Variants in TPCN2 observed in about 807,000 individuals in gnomAD.
TPCN2 encodes two pore segment channel 2.
In TPCN2, 92 loss-of-function variants were observed where a neutral mutation model predicts 111.4. The observed-to-expected ratio is 0.83, with a 90% confidence interval of 0.70 to 0.98. The LOEUF is 0.98. Among genes scored for constraint, TPCN2 ranks in the 50% least tolerant of loss-of-function variants. TPCN2 has a pLI of 0.00. For missense variants in TPCN2, 995 were observed against 980.1 expected (o/e 1.02, Z -0.20); for synonymous variants, 405 against 414.5 (o/e 0.98, Z 0.28).
rs746119964 is a variant in TPCN2, at chr11:69,054,063, A to G, written c.140A>G (p.Asp47Gly). The G allele has an allele frequency of 2.0e-5, 33 of 1,613,720 alleles. No individual in the cohort carries two copies. The South Asian group carries it at 3.0e-4, about 14-fold the overall frequency. Residue 47 changes from aspartate (D) to glycine (G), a missense_variant, in exon 2 of 25, where the codon GAT (aspartate) becomes GGT (glycine). By Grantham distance (94) the Asp-to-Gly change is moderately conservative (BLOSUM62 -1). Transcript: ENST00000294309. Reference protein sequence around the residue: ...GAAARWDLCIDQAVVFIEDAI... With the variant: ...GAAARWDLCIGQAVVFIEDAI... ...GCGGCCAGGTGGGACCTCTGCATTG[A>G]TCAGGCTGTGGTCTTCATCGAAGAT...
intron 13 of TPCN2, among the ~76,000 whole-genome samples, chr11:69,073,584 G>C (rs148938941): frequency 6.6e-6 from 1 of 152,244 alleles, no homozygotes; most frequent in Non-Finnish European, 1.5e-5. Flanking sequence ...CACTTTTCTC[G>C]TTTGCTCAGG....
At chr11:69,066,195 G>T (rs1300980701) in intron 7 of TPCN2, among the ~76,000 whole-genome samples, 1 of 152,190 alleles carries the variant, frequency 6.6e-6, no homozygotes, top group Non-Finnish European at 1.5e-5. Context: ...ACTGGGTGAG[G>T]GTGGGACGGG....
At chr11:69,064,288 C>G (rs1250420321) in intron 7 of TPCN2, among the ~76,000 whole-genome samples, 3 of 144,348 alleles carry the variant, frequency 2.1e-5, no homozygotes, top group Non-Finnish European at 4.6e-5. Flanking sequence ...TCCCTCCCCC[C>G]TCCCTATCCC....
chr11:69,085,751 C>T lies in TPCN2; in HGVS notation c.1919C>T (p.Ala640Val), dbSNP rs923083887. 1.5e-5 allele frequency: 24 copies of T among 1,613,890 alleles called. No individual in the cohort carries two copies. Among genetic ancestry groups the T allele is most frequent in the Non-Finnish European group, 1.9e-5 (22 of 1,179,882 alleles). Residue 640 changes from alanine to valine, a missense_variant and splice_region_variant, in exon 21 of 25, where the codon GCG (alanine) becomes GTG (valine). Physicochemically the swap from Ala to Val is moderately conservative, Grantham distance 64 (BLOSUM62 0). Coordinates refer to ENST00000294309, the MANE Select transcript of TPCN2 (RefSeq NM_139075.4). ...TGGGCCAACAACTTCGATGACTTTG[C>T]GGTGAGCCCTGCGCCCTGTCCCAGC... is the stretch of plus-strand genomic sequence containing the variant. Reference protein sequence around the residue: ...EYWANNFDDFAAALVTLWNLM... With the variant: ...EYWANNFDDFVAALVTLWNLM...
chr11:69,076,955 TCCCTCCAC>T (rs1855795610), intron 13 of TPCN2, among the ~76,000 whole-genome samples: 1 of 62,978 alleles, frequency 1.6e-5, no homozygotes. Flanking sequence ...TCCTGCTGTG[TCCCTCCAC>T]CTGCCCTCCT....
Position 69,077,968 on chromosome 11 carries a change from A to G in TPCN2, c.1231-514A>G, listed in dbSNP as rs570986502. 2.0e-5 allele frequency among the ~76,000 whole-genome samples: 3 copies of G among 152,280 alleles called. No individual in the cohort carries two copies. The South Asian group carries it at 6.2e-4, about 32-fold the overall frequency. ...GCCATTCCCCTTGTTGACCTCTTGC[A>G]CACACAGACGTGTCTCAAGGAGGCT... On this transcript the variant is annotated intron_variant, in intron 13 of 24. Transcript: ENST00000294309.
At chr11:69,082,922 T>C (rs11228484) in intron 18 of TPCN2, among the ~76,000 whole-genome samples, 16,031 of 70,286 alleles carry the variant, frequency 0.23, 5,398 homozygotes, top group Non-Finnish European at 0.32. Flanking sequence ...CGTGAACTCG[T>C]GCCCGTGTAA....
At chr11:69,081,367 T>G in intron 17 of TPCN2, 33 bp from the exon 18 acceptor site, 1 of 1,473,150 alleles carries the variant, frequency 6.8e-7, no homozygotes, top group South Asian at 1.2e-5. Flanking sequence ...GCTCCTGGGC[T>G]CCTCCCAACC....
At chr11:69,075,129 C>T (rs1043733490) in intron 13 of TPCN2, among the ~76,000 whole-genome samples, 1 of 152,224 alleles carries the variant, frequency 6.6e-6, no homozygotes, top group Non-Finnish European at 1.5e-5. Context: ...CCCGGCGATG[C>T]TCTTCCCAGG....
chr11:69,054,041 G>A lies in TPCN2; in HGVS notation c.118G>A (p.Ala40Thr). ...GTCCCCTCTGCCTGCAGGTGCCGCG[G>A]CCAGGTGGGACCTCTGCATTGATCA... ...RSIQVGPGAAARWDLCIDQAV... is the reference protein window; with the variant it reads ...RSIQVGPGAATRWDLCIDQAV... Residue 40 changes from alanine (A) to threonine (T), a missense_variant, in exon 2 of 25, where the codon GCC becomes ACC. Coordinates refer to ENST00000294309, the MANE Select transcript of TPCN2 (RefSeq NM_139075.4). The A allele has an allele frequency of 6.2e-7, 1 of 1,613,836 alleles. No individual in the cohort carries two copies. Among genetic ancestry groups the A allele is most frequent in the Non-Finnish European group, 8.5e-7 (1 of 1,179,936 alleles).
intron 16 of TPCN2, 127 bp downstream of exon 16, chr11:69,079,147 CAGT>C: frequency 7.8e-7 from 1 of 1,277,380 alleles, no homozygotes; most frequent in East Asian, 2.4e-5. Context: ...CTTCTGCTCT[CAGT>C]GGTGAGGGCT....
chr11:69,087,313 C>T (rs555768684), intron 24 of TPCN2, 107 bp downstream of exon 24: 4 of 911,498 alleles, frequency 4.4e-6, no homozygotes, highest in Admixed American at 2.2e-5. Flanking sequence ...ACTGTCCTCC[C>T]CCTCCGCCCG....
chr11:69,086,918 G>A (rs1314669030), intron 23 of TPCN2, among the ~76,000 whole-genome samples, 194 bp from the exon 24 acceptor site: 7 of 135,970 alleles, frequency 5.1e-5, no homozygotes, highest in South Asian at 5.0e-4. Context: ...CCCCCAGGTC[G>A]GGCTGAAGGA....
At chr11:69,071,749 G>C (rs1855545388) in intron 10 of TPCN2, among the ~76,000 whole-genome samples, 174 bp from the exon 11 acceptor site, 1 of 152,138 alleles carries the variant, frequency 6.6e-6, no homozygotes, top group Non-Finnish European at 1.5e-5. Context: ...CCGGGAGTCT[G>C]ACCAATCCTC....
chr11:69,060,149 C>T (rs1431606510), intron 5 of TPCN2, among the ~76,000 whole-genome samples: 1 of 152,242 alleles, frequency 6.6e-6, no homozygotes, highest in Non-Finnish European at 1.5e-5. Context: ...CAGTCTTCCA[C>T]TCTTCTCTCT....
rs1855900272 is a variant in TPCN2 at position 69,079,021 on chromosome 11, G to T, written c.1539+1G>T. 1.9e-6 allele frequency: 3 copies of T among 1,608,390 alleles called. No individual in the cohort carries two copies. The highest frequency in any genetic ancestry group is 1.3e-5 in the African/African-American group (1 of 74,834). Reference sequence around the variant, plus strand: ...CGGGCTCCTCACCGTTGTCCTGCTGGTAAAGTAGGCGCATCCGAGGCCGGC... The same window carrying T: ...CGGGCTCCTCACCGTTGTCCTGCTGTTAAAGTAGGCGCATCCGAGGCCGGC... On this transcript the variant is annotated splice_donor_variant, in intron 16 of 24. Coordinates refer to ENST00000294309, the MANE Select transcript of TPCN2 (RefSeq NM_139075.4). LOFTEE classifies it high-confidence loss of function.
intron 16 of TPCN2, 136 bp from the exon 17 acceptor site, chr11:69,079,698 A>G: frequency 1.3e-6 from 1 of 761,436 alleles, no homozygotes. Context: ...CGTGGGGTCC[A>G]GGACCAAGCT....
intron 10 of TPCN2, 93 bp downstream of exon 10, chr11:69,071,513 GC>G: frequency 2.6e-6 from 3 of 1,159,652 alleles, no homozygotes; most frequent in Non-Finnish European, 1.3e-6. Flanking sequence ...ACCCTTGCTG[GC>G]CAGGCCCCTG....
chr11:69,081,331 G>C (rs1041311733), intron 17 of TPCN2, 69 bp from the exon 18 acceptor site: 1 of 1,073,056 alleles, frequency 9.3e-7, no homozygotes, highest in Non-Finnish European at 1.4e-6. Context: ...AGGAACCCGC[G>C]CGTTTCCTTG....
Sources: allele counts gnomAD v4.1 joint callset (sites outside exome capture counted in the v4.1 genomes callset), GRCh38; gene constraint gnomAD v4.1.1; transcripts MANE v1.5; gene names NCBI Gene and HGNC (gene_info 2026-07-23, HGNC 2026-07-21).